Variants in KIF4A observed in about 807,000 individuals in gnomAD.
KIF4A encodes kinesin family member 4A.
In KIF4A, 7 loss-of-function variants were observed where a neutral mutation model predicts 105.9. The observed-to-expected ratio is 0.07, with a 90% CI of 0.04 to 0.12. The LOEUF is 0.12. Ranked by LOEUF, KIF4A falls within the 10% of genes least tolerant of loss-of-function variation. The pLI is 1.00. For synonymous variants in KIF4A, 281 were observed against 331.3 expected, an observed-to-expected ratio of 0.85 and a Z score of 1.65; for missense variants, 558 against 929.2, an observed-to-expected ratio of 0.60 and a Z score of 5.19.
At position 70,404,828 on chromosome X, in the gene KIF4A, A is replaced by G; in HGVS notation, c.2898+6A>G. The G allele has an allele frequency of 1.8e-6, 2 of 1,125,900 alleles. No homozygotes were observed. Among genetic ancestry groups the G allele is most frequent in the Non-Finnish European group, 2.4e-6 (2 of 821,492 alleles). The allele number at this position is 1,125,900 out of a possible 1,213,427, so 92.8% of individuals were successfully genotyped here. On this transcript the variant is annotated splice_donor_region_variant and intron_variant, in intron 25 of 30. Coordinates refer to ENST00000374403, the MANE Select transcript of KIF4A (RefSeq NM_012310.5). ...TGAGCACACTGAAGTGTCAGGTATG[A>G]TCACGAGAGGTCTCCAGAGATGAGT... is the stretch of plus-strand genomic sequence containing the variant.
At chrX:70,327,142 T>C (rs1414662514) in intron 7 of KIF4A, among the ~76,000 whole-genome samples, 1 of 111,758 alleles carries the variant, frequency 8.9e-6, no homozygotes, top group Non-Finnish European at 1.9e-5. Flanking sequence ...TGGACTAACA[T>C]AGGATTTAGT....
At chrX:70,384,826 CTT>C (rs371784485) in intron 18 of KIF4A, among the ~76,000 whole-genome samples, 32 of 98,462 alleles carry the variant, frequency 3.2e-4, no homozygotes, top group Admixed American at 2.2e-4. Context: ...AAGAGAATCT[CTT>C]TTTTTTTTTT....
intron 7 of KIF4A, among the ~76,000 whole-genome samples, chrX:70,326,316 G>A (rs1602749844): frequency 9.0e-6 from 1 of 111,546 alleles, no homozygotes; most frequent in Admixed American, 9.5e-5. Flanking sequence ...GCCTTTACCC[G>A]ATGAATGCCA....
At chrX:70,298,720 C>T (rs981651965) in intron 4 of KIF4A, among the ~76,000 whole-genome samples, 4 of 112,417 alleles carry the variant, frequency 3.6e-5, no homozygotes, top group African/African-American at 1.3e-4. Flanking sequence ...TATTAGCTGC[C>T]ACTTCTTCCT....
At chrX:70,309,773 G>A (rs2085841496) in intron 7 of KIF4A, among the ~76,000 whole-genome samples, 1 of 112,725 alleles carries the variant, frequency 8.9e-6, no homozygotes, top group African/African-American at 3.2e-5. Context: ...GCCTGGCACA[G>A]TGACTCATGC....
rs536108276 is a variant in KIF4A at position 70,368,044 on chromosome X, G to A, written c.1675-6107G>A. Among the ~76,000 whole-genome samples the A allele has an allele frequency of 6.3e-5, 7 of 111,372 alleles. No homozygotes were observed. In the East Asian group the frequency reaches 1.1e-3, roughly 18 times the overall value. On this transcript the variant is annotated intron_variant, in intron 15 of 30. Coordinates refer to ENST00000374403, the MANE Select transcript of KIF4A (RefSeq NM_012310.5). ...ACCTTTTCTTCAAGTTGATCACGTC[G>A]GCTACTGAGGCTTGTGCATTCGTCA...
intron 7 of KIF4A, among the ~76,000 whole-genome samples, chrX:70,317,497 T>C (rs1354995391): frequency 1.9e-5 from 2 of 108,033 alleles, no homozygotes; most frequent in African/African-American, 6.7e-5. Flanking sequence ...CTTCCTTCTC[T>C]CTCCAGGTAT....
intron 18 of KIF4A, among the ~76,000 whole-genome samples, chrX:70,385,214 G>C (rs1241569861): frequency 8.9e-6 from 1 of 112,127 alleles, no homozygotes; most frequent in African/African-American, 3.2e-5. Context: ...GATGCTGGGA[G>C]AGAAGCCAAA....
At chrX:70,318,587 C>T (rs2085878974) in intron 7 of KIF4A, among the ~76,000 whole-genome samples, 1 of 111,982 alleles carries the variant, frequency 8.9e-6, no homozygotes, top group Admixed American at 9.4e-5. Context: ...AACTATCTTT[C>T]AAAGTTTGTT....
At chrX:70,403,750 TG>T in intron 23 of KIF4A, 113 bp from the exon 24 acceptor site, 1 of 607,326 alleles carries the variant, frequency 1.6e-6, no homozygotes, top group Non-Finnish European at 2.5e-6. Context: ...GACTTGAACA[TG>T]GAGGAATTTT....
chrX:70,346,609 G>C (rs1393430645), intron 13 of KIF4A, among the ~76,000 whole-genome samples: 2 of 111,551 alleles, frequency 1.8e-5, no homozygotes, highest in Non-Finnish European at 3.8e-5. Flanking sequence ...CCGTAGAATC[G>C]CTGTGTCTGC....
Position 70,301,957 on chromosome X carries a change from G to C in KIF4A, c.574G>C (p.Glu192Gln). The change falls in exon 6 of 31, where the codon GAA (glutamate) becomes CAA (glutamine). Residue 192 changes from glutamate (E) to glutamine (Q), a missense_variant. Physicochemically the swap from Glu to Gln is conservative, Grantham distance 29. Around this residue, in one of 2 missense-constraint regions of KIF4A, gnomAD observed 89 missense variants for 248.8 expected, o/e 0.36. Transcript: ENST00000374403. ...TGCCTTGGATACTGTTTCCTGTTTG[G>C]AACAGGGCAACAACTCTAGGACTGT... ...LVALDTVSCLEQGNNSRTVAS... is the reference protein window; with the variant it reads ...LVALDTVSCLQQGNNSRTVAS... 8.3e-7 allele frequency: 1 copy of C among 1,211,320 alleles called. No individual in the cohort carries two copies. The highest frequency in any genetic ancestry group is 1.1e-6 in the Non-Finnish European group (1 of 895,266).
At chrX:70,294,286 C>T (rs1206499586) in intron 3 of KIF4A, among the ~76,000 whole-genome samples, 3 of 111,945 alleles carry the variant, frequency 2.7e-5, no homozygotes, top group East Asian at 2.8e-4. Flanking sequence ...GCTGTCATCT[C>T]CTATGACAAC....
chrX:70,379,652 G>T (rs756492586), intron 18 of KIF4A, among the ~76,000 whole-genome samples: 5 of 110,196 alleles, frequency 4.5e-5, no homozygotes, highest in Non-Finnish European at 9.5e-5. Flanking sequence ...TTATTTGGGT[G>T]TGGTGACACA....
At position 70,301,906 on chromosome X, in the gene KIF4A, G is replaced by A. The variant is rs765682595; in HGVS notation, c.523G>A (p.Gly175Arg). 1 of 1,206,423 alleles carries A rather than the reference G, an allele frequency of 8.3e-7. No individual in the cohort carries two copies. The highest frequency in any genetic ancestry group is 1.1e-6 in the Non-Finnish European group (1 of 893,297). The change falls in exon 6 of 31, where the codon GGA becomes AGA. Residue 175 changes from glycine (G) to arginine (R), a missense_variant. Physicochemically the swap from Gly to Arg is moderately radical, Grantham distance 125. Coordinates refer to ENST00000374403, the MANE Select transcript of KIF4A (RefSeq NM_012310.5). ...TTCTCTTTCTTGCAATTAGATTGTG[G>A]GACTCACTGAGAAGACTGTTTTGGT... The part of the protein sequence containing the change: ...EDPKEGIKIV[G>R]LTEKTVLVAL...
chrX:70,354,623 A>G (rs2086043863), intron 15 of KIF4A, among the ~76,000 whole-genome samples: 1 of 112,441 alleles, frequency 8.9e-6, no homozygotes, highest in African/African-American at 3.2e-5. Flanking sequence ...TTTGGATTGG[A>G]CTGCAGTTGT....
intron 15 of KIF4A, among the ~76,000 whole-genome samples, chrX:70,356,060 A>C (rs1367070114): frequency 9.0e-6 from 1 of 111,285 alleles, no homozygotes; most frequent in East Asian, 2.8e-4. Context: ...TGGGCAGATC[A>C]CTTGAGCCCA....
intron 20 of KIF4A, among the ~76,000 whole-genome samples, chrX:70,392,090 A>G (rs552160901): frequency 1.2e-3 from 130 of 111,645 alleles, no homozygotes; most frequent in African/African-American, 4.1e-3. Context: ...AAATTTTTGT[A>G]TCTGTGTTCA....
intron 3 of KIF4A, among the ~76,000 whole-genome samples, chrX:70,291,354 A>G (rs1236320419): frequency 8.9e-6 from 1 of 111,872 alleles, no homozygotes; most frequent in Non-Finnish European, 1.9e-5. Context: ...AGTGGTATGA[A>G]AAACAAAAGG....
Sources: gnomAD v4.1 joint callset for allele counts (sites outside exome capture counted in the v4.1 genomes callset) on GRCh38, gnomAD v4.1.1 for gene constraint, gnomAD v4.1.1 regional missense constraint, MANE v1.5 for transcripts, NCBI Gene and HGNC (gene_info 2026-07-23, HGNC 2026-07-21) for gene names.